The following EPHB3 variants were observed in gnomAD, a reference collection of about 807,000 sequenced individuals.
EPHB3 encodes the protein EPH receptor B3.
EPHB3 carries 33 observed loss-of-function variants against 100.2 expected under a neutral mutation model. That is an observed-to-expected ratio of 0.33 (90% confidence interval 0.25 to 0.44). The LOEUF is 0.44. Among genes scored for constraint, EPHB3 ranks in the 20% least tolerant of loss-of-function variants. The pLI is 1.00. For synonymous variants in EPHB3, 526 were observed against 554.7 expected, an observed-to-expected ratio of 0.95 and a Z score of 0.73; for missense variants, 1,045 against 1,378.3, an observed-to-expected ratio of 0.76 and a Z score of 3.83.
chr3:184,565,891 TG>T lies in EPHB3; in HGVS notation c.118+3541del, dbSNP rs1173399085. Among the ~76,000 whole-genome samples the T allele has an allele frequency of 1.3e-5, 2 of 152,248 alleles. No individual in the cohort carries two copies. The highest frequency in any genetic ancestry group is 4.1e-4 in the South Asian group (2 of 4,834). ...GAAGCCGAAGCTGCCGAAGCTGCCG[TG>T]GGCAAGGCCTCTGCCGCACGGCCTT... is the stretch of plus-strand genomic sequence containing the variant. On this transcript the variant is annotated intron_variant, in intron 1 of 15. Coordinates refer to ENST00000330394, the MANE Select transcript of EPHB3 (RefSeq NM_004443.4). This position sits in a 1 kb window ranked among gnomAD's most constrained non-coding sequence, Gnocchi z 4.8.
At chr3:184,574,776 A>T (rs1191502092) in intron 3 of EPHB3, among the ~76,000 whole-genome samples, 1 of 151,978 alleles carries the variant, frequency 6.6e-6, no homozygotes, top group Non-Finnish European at 1.5e-5. Flanking sequence ...AGGGGCTAAC[A>T]CTCTGCAGGT....
intron 3 of EPHB3, 122 bp from the exon 4 acceptor site, chr3:184,575,708 C>T (rs1714658026): frequency 1.6e-6 from 2 of 1,248,750 alleles, no homozygotes; most frequent in African/African-American, 1.6e-5. Context: ...ATTGCCCCCA[C>T]AGTCTAGGAG....
At position 184,580,983 on chromosome 3, in the gene EPHB3, C is replaced by T. The variant is rs148858128; in HGVS notation, c.2550C>T (p.Ala850=). The T allele has an allele frequency of 2.3e-4, 367 of 1,611,358 alleles. 3 individuals carry two copies. In the African/African-American group the frequency reaches 3.7e-3, roughly 16 times the overall value. Residue 850 remains alanine, a synonymous_variant, in exon 14 of 16, where the codon GCC becomes GCT. Transcript: ENST00000330394. ...TGCCTTCGGCCCAGGTCATCAATGC[C>T]GTGGAGCAGGATTACCGGCTGCCAC... ...WDMSNQDVIN[A]VEQDYRLPPP...
Position 184,572,557 on chromosome 3 carries a change from G to A in EPHB3, c.237G>A (p.Gln79=). The A allele has an allele frequency of 1.3e-6, 2 of 1,552,614 alleles. No homozygotes were observed. ...DEAMNPIRTY[Q]VCNVRESSQN... ...CCATGAATCCCATCCGCACATACCA[G>A]GTGTGTAATGTGCGCGAGTCAAGCC... The change falls in exon 3 of 16, where the codon CAG becomes CAA. Residue 79 remains glutamine, a synonymous_variant. Coordinates refer to ENST00000330394, the MANE Select transcript of EPHB3 (RefSeq NM_004443.4). This position sits in a 1 kb window ranked among gnomAD's most constrained non-coding sequence, Gnocchi z 6.6.
In EPHB3 at chr3:184,577,700, G is replaced by A. The variant is rs976708397; in HGVS notation, c.1522G>A (p.Val508Met). The part of the protein sequence containing the change: ...ASTVTSQMNS[V>M]QLDGLRPDAR... ...CACAGTGACCAGCCAGATGAACTCC[G>A]TGCAGCTGGACGGGCTTCGGCCTGA... Residue 508 changes from valine to methionine, a missense_variant, in exon 7 of 16, where the codon GTG (valine) becomes ATG (methionine). Transcript: ENST00000330394. This position sits in a 1 kb window ranked among gnomAD's most constrained non-coding sequence, Gnocchi z 4.9. The A allele has an allele frequency of 1.3e-5, 21 of 1,610,230 alleles. No homozygotes were observed. Among genetic ancestry groups the A allele is most frequent in the Middle Eastern group, 1.6e-4 (1 of 6,072 alleles).
chr3:184,580,416 G>A lies in EPHB3; in HGVS notation c.2187G>A (p.Gln729=), dbSNP rs555276735. ...LDSFLRLNDG[Q]FTVIQLVGML... Reference sequence around the variant, plus strand: ...GTTGCCTGCAGCTCAACGATGGGCAGTTCACGGTCATCCAGCTGGTGGGCA... The same window carrying A: ...GTTGCCTGCAGCTCAACGATGGGCAATTCACGGTCATCCAGCTGGTGGGCA... The change falls in exon 12 of 16, where the codon CAG becomes CAA. Residue 729 remains glutamine, a synonymous_variant. Coordinates refer to ENST00000330394, the MANE Select transcript of EPHB3 (RefSeq NM_004443.4). 1.7e-5 allele frequency: 27 copies of A among 1,614,230 alleles called. No homozygotes were observed. In the South Asian group the frequency reaches 3.0e-4, roughly 18 times the overall value.
At chr3:184,568,906 C>T (rs1714465097) in intron 1 of EPHB3, among the ~76,000 whole-genome samples, 1 of 152,068 alleles carries the variant, frequency 6.6e-6, no homozygotes, top group African/African-American at 2.4e-5. Context: ...TCTCTCGCTC[C>T]CCAGAAATTA....
At position 184,569,427 on chromosome 3, in the gene EPHB3, G is replaced by A. The variant is rs2108435599; in HGVS notation, c.119-1891G>A. Among the ~76,000 whole-genome samples, 1 of 151,634 alleles carries A rather than the reference G, an allele frequency of 6.6e-6. No homozygotes were observed. Among genetic ancestry groups the A allele is most frequent in the South Asian group, 2.1e-4 (1 of 4,780 alleles). Reference sequence around the variant, plus strand: ...CGGCTCCGCACATCCCTCCGGCTCCGTGCCGCCCACCGCCCGCCAGCTCCA... The same window carrying A: ...CGGCTCCGCACATCCCTCCGGCTCCATGCCGCCCACCGCCCGCCAGCTCCA... On this transcript the variant is annotated intron_variant, in intron 1 of 15. Coordinates refer to ENST00000330394, the MANE Select transcript of EPHB3 (RefSeq NM_004443.4). This position sits in a 1 kb window ranked among gnomAD's most constrained non-coding sequence, Gnocchi z 5.4.
At position 184,565,872 on chromosome 3, in the gene EPHB3, G is replaced by A. The variant is rs193045625; in HGVS notation, c.118+3519G>A. On this transcript the variant is annotated intron_variant, in intron 1 of 15. Transcript: ENST00000330394. This position sits in a 1 kb window ranked among gnomAD's most constrained non-coding sequence, Gnocchi z 4.8. Reference sequence around the variant, plus strand: ...TCAGCGGCTGCTGCGAGCTGAAGCCGAAGCTGCCGAAGCTGCCGTGGGCAA... The same window carrying A: ...TCAGCGGCTGCTGCGAGCTGAAGCCAAAGCTGCCGAAGCTGCCGTGGGCAA... 4.1e-4 allele frequency among the ~76,000 whole-genome samples: 62 copies of A among 152,354 alleles called. No homozygotes were observed. Among genetic ancestry groups the A allele is most frequent in the Non-Finnish European group, 7.5e-4 (51 of 68,040 alleles).
In EPHB3 at chr3:184,581,403, G is replaced by A. The variant is rs982752488; in HGVS notation, c.2883G>A (p.Thr961=). ...FASFDLVAQM[T]AEDLLRIGVT... is the part of the protein sequence containing the mutation. ...CTTTTGACCTGGTGGCCCAGATGAC[G>A]GCAGAGTAAGTGTGCCTCAGATTTG... Residue 961 remains threonine, a synonymous_variant, in exon 15 of 16, where the codon ACG becomes ACA. Coordinates refer to ENST00000330394, the MANE Select transcript of EPHB3 (RefSeq NM_004443.4). 21 of 1,585,806 alleles carry A rather than the reference G, an allele frequency of 1.3e-5. No homozygotes were observed. The highest frequency in any genetic ancestry group is 4.0e-5 in the African/African-American group (3 of 74,456).
intron 3 of EPHB3, among the ~76,000 whole-genome samples, chr3:184,574,211 A>G (rs1401080766): frequency 6.6e-6 from 1 of 152,226 alleles, no homozygotes; most frequent in African/African-American, 2.4e-5. Flanking sequence ...GGCATCCACG[A>G]GAGCTGGGCT....
intron 4 of EPHB3, among the ~76,000 whole-genome samples, chr3:184,576,230 T>C (rs966801725): frequency 1.3e-5 from 2 of 151,250 alleles, no homozygotes; most frequent in Non-Finnish European, 2.9e-5. Context: ...CTAGCCATGC[T>C]CAGGAACTTG....
chr3:184,563,721 A>T lies in EPHB3; in HGVS notation c.118+1368A>T, dbSNP rs571270173. Among the ~76,000 whole-genome samples the T allele has an allele frequency of 1.3e-5, 2 of 152,320 alleles. No individual in the cohort carries two copies. The highest frequency in any genetic ancestry group is 4.8e-5 in the African/African-American group (2 of 41,584). On this transcript the variant is annotated intron_variant, in intron 1 of 15. Coordinates refer to ENST00000330394, the MANE Select transcript of EPHB3 (RefSeq NM_004443.4). The surrounding 1 kb of genome is among the most constrained non-coding windows in gnomAD (Gnocchi z 4.1). Reference sequence around the variant, plus strand: ...TGTGTGTGATAGGATCGCAGGCGTGAGAACCCAGTGTGGGGCTTTGTTGTT... The same window carrying T: ...TGTGTGTGATAGGATCGCAGGCGTGTGAACCCAGTGTGGGGCTTTGTTGTT...
In EPHB3 at chr3:184,581,079, G is replaced by A; in HGVS notation, c.2646G>A (p.Arg882=). The A allele has an allele frequency of 6.2e-7, 1 of 1,614,164 alleles. No individual in the cohort carries two copies. The highest frequency in any genetic ancestry group is 1.7e-5 in the Admixed American group (1 of 60,018). The part of the protein sequence containing the change: ...LDCWVRDRNL[R]PKFSQIVNTL... The stretch of plus-strand genomic sequence containing the variant: ...GCTGGGTGCGGGACCGGAACCTCAG[G>A]CCCAAATTCTCCCAGATTGTCAATA... Residue 882 remains arginine (R), a synonymous_variant, in exon 14 of 16, where the codon AGG becomes AGA. Transcript: ENST00000330394.
Position 184,575,875 on chromosome 3 carries a change from G to A in EPHB3, c.902G>A (p.Cys301Tyr). ...SYKAKQGEGP[C>Y]LPCPPNSRTT... ...AAGGCGAAGCAGGGAGAGGGGCCCT[G>A]CCTCCCATGTCCCCCCAACAGCCGT... Residue 301 changes from cysteine to tyrosine, a missense_variant, in exon 4 of 16, where the codon TGC becomes TAC. Physicochemically the swap from Cys to Tyr is radical, Grantham distance 194 (BLOSUM62 -2). Coordinates refer to ENST00000330394, the MANE Select transcript of EPHB3 (RefSeq NM_004443.4). 6.2e-7 allele frequency: 1 copy of A among 1,613,210 alleles called. No individual in the cohort carries two copies. The highest frequency in any genetic ancestry group is 8.5e-7 in the Non-Finnish European group (1 of 1,179,656).
Position 184,562,285 on chromosome 3 carries a change from T to C in EPHB3, c.50T>C (p.Leu17Pro). Residue 17 changes from leucine (L) to proline (P), a missense_variant, in exon 1 of 16, where the codon CTG (leucine) becomes CCG (proline). Leu to Pro is a moderately conservative substitution (Grantham distance 98). Coordinates refer to ENST00000330394, the MANE Select transcript of EPHB3 (RefSeq NM_004443.4). The surrounding 1 kb of genome is among the most constrained non-coding windows in gnomAD (Gnocchi z 4.8). The stretch of plus-strand genomic sequence containing the variant: ...CCGCCGTCGCCGCCGCCGGGGCTTC[T>C]GCCGCTGCTCCCTCCGCTGCTGCTG... ...PPPPSPPPGL[L>P]PLLPPLLLLP... 1.6e-6 allele frequency: 2 copies of C among 1,228,640 alleles called. No homozygotes were observed. The highest frequency in any genetic ancestry group is 2.0e-6 in the Non-Finnish European group (2 of 982,026). 76.1% of individuals were successfully genotyped at this position (1,228,640 alleles called of 1,614,324 possible). A position where few individuals can be genotyped will look rare whatever the true frequency, so the allele number is the denominator to read the frequency against.
intron 3 of EPHB3, among the ~76,000 whole-genome samples, chr3:184,575,571 C>T (rs1053360750): frequency 3.4e-5 from 5 of 147,208 alleles, no homozygotes; most frequent in Admixed American, 2.0e-4. Flanking sequence ...ATGGGGCTGA[C>T]GTCTTCGTCC....
At chr3:184,576,431 C>T (rs1322187466) in intron 4 of EPHB3, among the ~76,000 whole-genome samples, 1 of 152,172 alleles carries the variant, frequency 6.6e-6, no homozygotes, top group African/African-American at 2.4e-5. Context: ...CCCTGGCCTT[C>T]GGTGTGCCGG....
Position 184,579,817 on chromosome 3 carries a change from C to A in EPHB3, c.2055C>A (p.Ile685=). 1 of 1,613,774 alleles carries A rather than the reference C, an allele frequency of 6.2e-7. No homozygotes were observed. Among genetic ancestry groups the A allele is most frequent in the South Asian group, 1.1e-5 (1 of 91,058 alleles). The change falls in exon 11 of 16, where the codon ATC becomes ATA. Residue 685 remains isoleucine (I), a synonymous_variant. Transcript: ENST00000330394. This position sits in a 1 kb window ranked among gnomAD's most constrained non-coding sequence, Gnocchi z 5.2. Reference sequence around the variant, plus strand: ...GGGACTTCCTAAGCGAGGCCTCCATCATGGGTCAGTTTGATCACCCCAATA... The same window carrying A: ...GGGACTTCCTAAGCGAGGCCTCCATAATGGGTCAGTTTGATCACCCCAATA... ...QRRDFLSEAS[I]MGQFDHPNII...
Sources: allele counts gnomAD v4.1 joint callset (sites outside exome capture counted in the v4.1 genomes callset), GRCh38; gene constraint gnomAD v4.1.1; non-coding constraint Gnocchi (gnomAD v3.1); transcripts MANE v1.5; gene names NCBI Gene and HGNC (gene_info 2026-07-23, HGNC 2026-07-21).